HTR2C: variants seen among roughly 807,000 people sequenced by gnomAD.
HTR2C encodes the protein 5-hydroxytryptamine receptor 2C, also known as 5-hydroxytryptamine (serotonin) receptor 2C, G protein-coupled.
Under a neutral mutation model 21.0 loss-of-function variants are expected in HTR2C, and 5 were observed. The observed-to-expected ratio is 0.24, with a 90% CI of 0.12 to 0.50. The LOEUF (loss-of-function observed/expected upper bound fraction) is 0.50, where lower values mean the gene tolerates loss of function less well. HTR2C is among the 20% of genes least tolerant of loss of function. HTR2C has a pLI of 0.98. For missense variants in HTR2C, 271 were observed against 371.2 expected (o/e 0.73, Z 2.22); for synonymous variants, 150 against 145.3 (o/e 1.03, Z -0.23).
intron 5 of HTR2C, among the ~76,000 whole-genome samples, chrX:114,890,825 G>A (rs2071253278): frequency 9.0e-6 from 1 of 111,667 alleles, no homozygotes; most frequent in Middle Eastern, 4.7e-3. Context: ...GATTTCTCCT[G>A]TTTATTCTAT....
chrX:114,744,478 A>C (rs1406495884), intron 4 of HTR2C, among the ~76,000 whole-genome samples: 1 of 100,007 alleles, frequency 1.0e-5, no homozygotes, highest in Non-Finnish European at 2.0e-5. Context: ...TTTTTGACGG[A>C]GTCACGCTTT....
intron 5 of HTR2C, among the ~76,000 whole-genome samples, chrX:114,906,272 G>A (rs1006650944): frequency 2.7e-5 from 3 of 111,781 alleles, no homozygotes; most frequent in African/African-American, 9.8e-5. Context: ...ACGATTCTTG[G>A]AACTGGAAAT....
intron 2 of HTR2C, among the ~76,000 whole-genome samples, chrX:114,673,660 T>C (rs1931457393): frequency 8.9e-6 from 1 of 111,906 alleles, no homozygotes; most frequent in Non-Finnish European, 1.9e-5. Context: ...CAAAATTATG[T>C]ATTTGATTTC....
intron 2 of HTR2C, among the ~76,000 whole-genome samples, chrX:114,662,382 A>C (rs1339426124): frequency 9.0e-6 from 1 of 111,257 alleles, no homozygotes; most frequent in African/African-American, 3.3e-5. Flanking sequence ...CACAACTTTA[A>C]ATCTATTTGA....
intron 5 of HTR2C, among the ~76,000 whole-genome samples, chrX:114,881,671 CCT>C (rs1405920141): frequency 9.1e-6 from 1 of 110,342 alleles, no homozygotes; most frequent in Non-Finnish European, 1.9e-5. Context: ...TTACTTGTAG[CCT>C]CTCAATTCTA....
chrX:114,627,851 T>C (rs1556403248), intron 2 of HTR2C, among the ~76,000 whole-genome samples: 1 of 112,007 alleles, frequency 8.9e-6, no homozygotes, highest in Non-Finnish European at 1.9e-5. Flanking sequence ...AAAATCTGCA[T>C]TGACCATGAT....
intron 2 of HTR2C, among the ~76,000 whole-genome samples, chrX:114,716,565 C>T (rs1350729333): frequency 9.0e-6 from 1 of 111,517 alleles, no homozygotes; most frequent in Non-Finnish European, 1.9e-5. Context: ...TGAGCCTAGA[C>T]TTGCATTCAA....
At position 114,599,529 on chromosome X, in the gene HTR2C, C is replaced by T. The variant is rs187516640; in HGVS notation, c.-146-14286C>T. On this transcript the variant is annotated intron_variant, in intron 1 of 5. Transcript: ENST00000276198. ...TCATTTTTATAAGGAAACCAGTGAC[C>T]TTCATGTGGTTTTTAAGGACAATGT... Among the ~76,000 whole-genome samples, 42 of 111,523 alleles carry T rather than the reference C, an allele frequency of 3.8e-4. No individual in the cohort carries two copies. The East Asian group carries it at 0.01, about 28-fold the overall frequency.
rs202154934 is a variant in HTR2C, at chrX:114,908,334, T to A, written c.*919T>A. The A allele has an allele frequency of 7.1e-5, 8 of 112,114 alleles. No homozygotes were observed. The highest frequency in any genetic ancestry group is 2.3e-4 in the African/African-American group (7 of 30,896). 9.2% of individuals were successfully genotyped at this position (112,114 alleles called of 1,213,427 possible). On this transcript the variant is annotated 3_prime_UTR_variant, in exon 6 of 6. Transcript: ENST00000276198. ...TGTGCTTCACACAAAGTGAAATTAG[T>A]ATTTTGAGCCTTATTAAAATATTTT...
intron 2 of HTR2C, among the ~76,000 whole-genome samples, chrX:114,688,261 C>A (rs1931985000): frequency 9.7e-6 from 1 of 103,446 alleles, no homozygotes; most frequent in Non-Finnish European, 2.0e-5. Flanking sequence ...GCAGGGGTTG[C>A]AGTGAGCCGA....
At chrX:114,715,919 A>G (rs945167441) in intron 2 of HTR2C, among the ~76,000 whole-genome samples, 14 of 112,617 alleles carry the variant, frequency 1.2e-4, no homozygotes, top group Middle Eastern at 4.2e-3. Context: ...TTACTACTAC[A>G]TGCCCAGCAT....
chrX:114,892,066 G>A (rs1556482925), intron 5 of HTR2C, among the ~76,000 whole-genome samples: 2 of 111,253 alleles, frequency 1.8e-5, no homozygotes, highest in African/African-American at 3.3e-5. Flanking sequence ...TATATTGATG[G>A]ATTTCAATTC....
chrX:114,902,603 GTATTTATT>G (rs201844012), intron 5 of HTR2C, among the ~76,000 whole-genome samples: 2 of 110,184 alleles, frequency 1.8e-5, no homozygotes, highest in Admixed American at 2.0e-4. Context: ...AAAATTTATT[GTATTTATT>G]TATTTATTTA....
chrX:114,740,727 AC>A (rs782413232), intron 4 of HTR2C, among the ~76,000 whole-genome samples: 1 of 112,044 alleles, frequency 8.9e-6, no homozygotes, highest in East Asian at 2.8e-4. Flanking sequence ...ACACTGAAGT[AC>A]AAAAAAATCT....
At chrX:114,678,475 C>T (rs937238997) in intron 2 of HTR2C, among the ~76,000 whole-genome samples, 2 of 111,031 alleles carry the variant, frequency 1.8e-5, no homozygotes, top group Non-Finnish European at 3.8e-5. Context: ...CAGTGAGGGT[C>T]GAGATAAGAG....
intron 4 of HTR2C, among the ~76,000 whole-genome samples, chrX:114,748,141 A>G (rs1282678132): frequency 8.9e-6 from 1 of 112,145 alleles, no homozygotes; most frequent in African/African-American, 3.2e-5. Context: ...ATTGGAAGTC[A>G]AAGTTTCAAA....
intron 2 of HTR2C, among the ~76,000 whole-genome samples, chrX:114,621,809 T>C (rs1372823540): frequency 8.9e-6 from 1 of 112,021 alleles, no homozygotes; most frequent in African/African-American, 3.2e-5. Flanking sequence ...GAAGGCTCAA[T>C]GAAAGGGGGG....
chrX:114,655,322 G>A lies in HTR2C; in HGVS notation c.-80+41441G>A, dbSNP rs184128932. Among the ~76,000 whole-genome samples, 4 of 111,313 alleles carry A rather than the reference G, an allele frequency of 3.6e-5. No homozygotes were observed. In the East Asian group the frequency reaches 1.1e-3, roughly 31 times the overall value. ...ACCAAGTTACCATGGCACTATTTCTGTTTTAAATGGTCTGGTAAACCACCT... is the reference window on the plus strand; with the variant it reads ...ACCAAGTTACCATGGCACTATTTCTATTTTAAATGGTCTGGTAAACCACCT... On this transcript the variant is annotated intron_variant, in intron 2 of 5. Transcript: ENST00000276198.
chrX:114,862,550 ATC>A (rs1366757417), intron 5 of HTR2C, among the ~76,000 whole-genome samples: 1 of 110,855 alleles, frequency 9.0e-6, no homozygotes, highest in African/African-American at 3.3e-5. Flanking sequence ...GTTGTGTTGA[ATC>A]TCTATATTGC....
Sources: gnomAD v4.1 joint callset for allele counts (sites outside exome capture counted in the v4.1 genomes callset) on GRCh38, gnomAD v4.1.1 for gene constraint, MANE v1.5 for transcripts, NCBI Gene and HGNC (gene_info 2026-07-23, HGNC 2026-07-21) for gene names.